Variants in CDK19 observed in about 807,000 individuals in gnomAD.
CDK19 encodes the protein cyclin dependent kinase 19.
Under a neutral mutation model 68.3 loss-of-function variants are expected in CDK19, and 20 were observed. That is an observed-to-expected ratio of 0.29 (90% confidence interval 0.21 to 0.43). CDK19 has a LOEUF of 0.43. CDK19 is among the 20% of genes least tolerant of loss of function. The pLI is 1.00. For synonymous variants in CDK19, 221 were observed against 222.8 expected (o/e 0.99, Z 0.07); for missense variants, 339 against 623.5 (o/e 0.54, Z 4.86).
intron 2 of CDK19, among the ~76,000 whole-genome samples, chr6:110,727,744 A>G (rs9386942): frequency 0.25 from 38,004 of 151,394 alleles, 4,875 homozygotes; most frequent in South Asian, 0.4. Context: ...AGGCCAAGGC[A>G]GGCAGACTGC....
At chr6:110,775,290 A>G (rs931763014) in intron 1 of CDK19, among the ~76,000 whole-genome samples, 1 of 152,140 alleles carries the variant, frequency 6.6e-6, no homozygotes, top group Non-Finnish European at 1.5e-5. Flanking sequence ...GTGGAAAAAT[A>G]TACTTCACAA....
intron 1 of CDK19, among the ~76,000 whole-genome samples, chr6:110,774,088 T>TA (rs145624191): frequency 0.026 from 4,022 of 152,318 alleles, 80 homozygotes; most frequent in South Asian, 0.084. Flanking sequence ...ATCAACAATA[T>TA]ATAGGTAACA....
chr6:110,809,748 TA>T (rs1450174565), intron 1 of CDK19, among the ~76,000 whole-genome samples: 1 of 152,174 alleles, frequency 6.6e-6, no homozygotes, highest in African/African-American at 2.4e-5. Context: ...CTTTACCAAT[TA>T]AAGGCATTTT....
chr6:110,635,999 ATTAC>A (rs1779755680), intron 5 of CDK19, among the ~76,000 whole-genome samples: 1 of 152,076 alleles, frequency 6.6e-6, no homozygotes, highest in Non-Finnish European at 1.5e-5. Context: ...ATCATTAATT[ATTAC>A]TTACTTTTAA....
Position 110,638,661 on chromosome 6 carries a change from T to TCC in CDK19, c.500_501dup (p.Arg168GlyfsTer5). ...AATAATTACCTACCTATTTTGACTC[T>TCC]CCCCCTCTCAGGACCTTCTCCCATT... On this transcript the variant is annotated frameshift_variant, in exon 5 of 13. Transcript: ENST00000368911. LOFTEE classifies it high-confidence loss of function. The TCC allele has an allele frequency of 6.6e-7, 1 of 1,521,870 alleles. No individual in the cohort carries two copies. The highest frequency in any genetic ancestry group is 1.1e-5 in the South Asian group (1 of 87,452). 94.3% of individuals were successfully genotyped at this position (1,521,870 alleles called of 1,614,324 possible). A position where few individuals can be genotyped will look rare whatever the true frequency, so the allele number is the denominator to read the frequency against.
chr6:110,635,896 T>C (rs1415251373), intron 5 of CDK19, among the ~76,000 whole-genome samples: 1 of 152,224 alleles, frequency 6.6e-6, no homozygotes, highest in Admixed American at 6.5e-5. Flanking sequence ...GGCATAGGCA[T>C]TGGTATTACT....
At chr6:110,646,866 G>C (rs1780627395) in intron 4 of CDK19, among the ~76,000 whole-genome samples, 1 of 151,950 alleles carries the variant, frequency 6.6e-6, no homozygotes, top group Non-Finnish European at 1.5e-5. Context: ...CCCGGCAGGT[G>C]AGAGAAGGAA....
chr6:110,719,972 G>GCCCCCCCCCC (rs1167384607), intron 2 of CDK19, among the ~76,000 whole-genome samples: 46 of 45,514 alleles, frequency 1.0e-3, no homozygotes, highest in Non-Finnish European at 1.2e-3. Context: ...CTTGTGATCC[G>GCCCCCCCCCC]CCCCCCCCCC....
In CDK19 at chr6:110,746,195, A is replaced by C; in HGVS notation, c.135T>G (p.Asp45Glu). The C allele has an allele frequency of 2.5e-6, 4 of 1,594,442 alleles. No homozygotes were observed. The highest frequency in any genetic ancestry group is 3.4e-6 in the Non-Finnish European group (4 of 1,169,526). Residue 45 changes from aspartate to glutamate, a missense_variant, in exon 2 of 13, where the codon GAT (aspartate) becomes GAG (glutamate). By Grantham distance (45) the Asp-to-Glu change is conservative. Coordinates refer to ENST00000368911, the MANE Select transcript of CDK19 (RefSeq NM_015076.5). Reference protein sequence around the residue: ...VYKARRKDGKDEKEYALKQIE... With the variant: ...VYKARRKDGKEEKEYALKQIE... ...TTTGCTTCAATGCATATTCCTTTTC[A>C]TCTTTTCTGCACATAAACAAAAAAA...
intron 1 of CDK19, among the ~76,000 whole-genome samples, chr6:110,782,340 T>C (rs1424258569): frequency 6.6e-6 from 1 of 152,222 alleles, no homozygotes. Flanking sequence ...CTTCACTCAG[T>C]TGCCAAACTG....
At chr6:110,699,415 A>G (rs988479142) in intron 2 of CDK19, among the ~76,000 whole-genome samples, 4 of 138,510 alleles carry the variant, frequency 2.9e-5, no homozygotes, top group Admixed American at 1.5e-4. Context: ...AGAGAGTAAG[A>G]CTTCGTCTCA....
At chr6:110,707,181 C>A (rs532413666) in intron 2 of CDK19, among the ~76,000 whole-genome samples, 2 of 151,750 alleles carry the variant, frequency 1.3e-5, no homozygotes, top group Non-Finnish European at 2.9e-5. Flanking sequence ...ACTAAAAATA[C>A]AAAAATTAGC....
In CDK19 at chr6:110,751,488, A is replaced by G. The variant is rs1418671344; in HGVS notation, c.129-5287T>C. Among the ~76,000 whole-genome samples, 6 of 152,130 alleles carry G rather than the reference A, an allele frequency of 3.9e-5. No homozygotes were observed. The East Asian group carries it at 1.2e-3, about 29-fold the overall frequency. ...CATCTAGTTGCAGGAAAGCAAACAC[A>G]GGACTCCTGCTGATTCTACGTTATG... On this transcript the variant is annotated intron_variant, in intron 1 of 12. Transcript: ENST00000368911.
chr6:110,739,758 G>C (rs944278117), intron 2 of CDK19, among the ~76,000 whole-genome samples: 3 of 151,022 alleles, frequency 2.0e-5, no homozygotes, highest in African/African-American at 7.3e-5. Context: ...AGCCTCCCAG[G>C]TAGCTAGGAC....
intron 2 of CDK19, among the ~76,000 whole-genome samples, chr6:110,732,324 CCT>C (rs1776826443): frequency 6.6e-6 from 1 of 151,996 alleles, no homozygotes; most frequent in Non-Finnish European, 1.5e-5. Flanking sequence ...GGCGCAAAAC[CCT>C]GTCTCTACTA....
chr6:110,694,523 G>A (rs1379199677), intron 2 of CDK19, among the ~76,000 whole-genome samples: 3 of 152,010 alleles, frequency 2.0e-5, no homozygotes, highest in Non-Finnish European at 2.9e-5. Context: ...ATTACTACTA[G>A]ACCTAAGAAA....
chr6:110,711,059 C>T (rs907112374), intron 2 of CDK19, among the ~76,000 whole-genome samples: 3 of 151,728 alleles, frequency 2.0e-5, no homozygotes, highest in African/African-American at 7.3e-5. Flanking sequence ...GCAAGAAAAG[C>T]AATGTAATAA....
intron 2 of CDK19, among the ~76,000 whole-genome samples, chr6:110,737,494 A>G (rs1052972495): frequency 3.3e-5 from 5 of 152,178 alleles, no homozygotes; most frequent in Non-Finnish European, 7.4e-5. Flanking sequence ...ACACACACAC[A>G]CATCTTCCAA....
At chr6:110,734,782 G>T (rs186407049) in intron 2 of CDK19, among the ~76,000 whole-genome samples, 1 of 149,132 alleles carries the variant, frequency 6.7e-6, no homozygotes, top group South Asian at 2.3e-4. Flanking sequence ...TTTCTTGTCT[G>T]TCTCCTCCAA....
Sources: gnomAD v4.1 joint callset for allele counts (sites outside exome capture counted in the v4.1 genomes callset) on GRCh38, gnomAD v4.1.1 for gene constraint, MANE v1.5 for transcripts, NCBI Gene and HGNC (gene_info 2026-07-23, HGNC 2026-07-21) for gene names.